IARS2: variants seen among roughly 807,000 people sequenced by gnomAD.
IARS2 encodes isoleucine--tRNA ligase, mitochondrial.
Under a neutral mutation model 126.3 loss-of-function variants are expected in IARS2, and 56 were observed. That is an observed-to-expected ratio of 0.44 (90% CI 0.36 to 0.55). The LOEUF is 0.55. Ranked by LOEUF, IARS2 falls within the 20% of genes least tolerant of loss-of-function variation. The pLI is 0.00. For synonymous variants in IARS2, 407 were observed against 441.1 expected (o/e 0.92, Z 0.97); for missense variants, 1,127 against 1,245.9 (o/e 0.90, Z 1.44).
chr1:220,114,411 G>C lies in IARS2; in HGVS notation c.1577G>C (p.Arg526Thr). ...CCATATTGGTGTATATCAAGGCAAA[G>C]AGTTTGGGGTGTTCCAATTCCTGTG... ...RRPYWCISRQ[R>T]VWGVPIPVFH... Residue 526 changes from arginine (R) to threonine (T), a missense_variant, in exon 12 of 23, where the codon AGA becomes ACA. Coordinates refer to ENST00000366922, the MANE Select transcript of IARS2 (RefSeq NM_018060.4). 6.2e-7 allele frequency: 1 copy of C among 1,613,940 alleles called. No individual in the cohort carries two copies. The highest frequency in any genetic ancestry group is 8.5e-7 in the Non-Finnish European group (1 of 1,179,850).
At position 220,094,537 on chromosome 1, in the gene IARS2, G is replaced by A. The variant is rs560049681; in HGVS notation, c.267+54G>A. The stretch of plus-strand genomic sequence containing the variant: ...CCAGAGAGGCCCGATCCGGCCGCGG[G>A]CACCGGGCGCTCGCAGGCGCCACAC... On this transcript the variant is annotated intron_variant, in intron 1 of 22. Transcript: ENST00000366922. 1.9e-5 allele frequency: 28 copies of A among 1,457,808 alleles called. No individual in the cohort carries two copies. The Admixed American group carries it at 5.6e-4, about 29-fold the overall frequency. 90.3% of individuals were successfully genotyped at this position (1,457,808 alleles called of 1,614,324 possible). A position where few individuals can be genotyped will look rare whatever the true frequency, so the allele number is the denominator to read the frequency against.
intron 12 of IARS2, chr1:220,117,965 C>T (rs1172100733): frequency 2.1e-6 from 1 of 486,396 alleles, no homozygotes; most frequent in Non-Finnish European, 4.3e-6. Flanking sequence ...TGAATGATGA[C>T]TTTAATCCTC....
At chr1:220,142,426 C>T (rs1180105906) in intron 20 of IARS2, among the ~76,000 whole-genome samples, 1 of 152,062 alleles carries the variant, frequency 6.6e-6, no homozygotes, top group Non-Finnish European at 1.5e-5. Flanking sequence ...TGCTTGAACT[C>T]GGGAGGTGGA....
rs1000423312 is a variant in IARS2 at position 220,114,407 on chromosome 1, C to G, written c.1573C>G (p.Gln525Glu). The change falls in exon 12 of 23, where the codon CAA becomes GAA. Residue 525 changes from glutamine to glutamate, a missense_variant. Physicochemically the swap from Gln to Glu is conservative, Grantham distance 29 (BLOSUM62 2). Coordinates refer to ENST00000366922, the MANE Select transcript of IARS2 (RefSeq NM_018060.4). ...GCGGCCATATTGGTGTATATCAAGG[C>G]AAAGAGTTTGGGGTGTTCCAATTCC... is the stretch of plus-strand genomic sequence containing the variant. Reference protein sequence around the residue: ...DRRPYWCISRQRVWGVPIPVF... With the variant: ...DRRPYWCISRERVWGVPIPVF... The G allele has an allele frequency of 6.2e-7, 1 of 1,613,706 alleles. No individual in the cohort carries two copies. The highest frequency in any genetic ancestry group is 8.5e-7 in the Non-Finnish European group (1 of 1,179,714).
intron 11 of IARS2, among the ~76,000 whole-genome samples, chr1:220,112,221 G>A (rs865909168): frequency 1.6e-5 from 1 of 62,218 alleles, no homozygotes; most frequent in Non-Finnish European, 3.2e-5. Context: ...TGCAAGCTCC[G>A]CTTCCCGGGT....
At chr1:220,106,460 CTG>C (rs1656682716) in intron 9 of IARS2, among the ~76,000 whole-genome samples, 1 of 152,038 alleles carries the variant, frequency 6.6e-6, no homozygotes, top group Admixed American at 6.6e-5. Context: ...AAGGGAACAA[CTG>C]TGTATATAGG....
chr1:220,114,667 A>G (rs1479522020), intron 12 of IARS2, among the ~76,000 whole-genome samples, 193 bp downstream of exon 12: 1 of 152,226 alleles, frequency 6.6e-6, no homozygotes, highest in Non-Finnish European at 1.5e-5. Flanking sequence ...AGATTTTCTT[A>G]AATATTGATA....
intron 18 of IARS2, among the ~76,000 whole-genome samples, chr1:220,139,965 C>G (rs1244596305): frequency 6.6e-6 from 1 of 152,118 alleles, no homozygotes; most frequent in South Asian, 2.1e-4. Flanking sequence ...AATTAATGTC[C>G]TTTCGTAGTT....
chr1:220,144,277 A>C, intron 21 of IARS2: 1 of 762,976 alleles, frequency 1.3e-6, no homozygotes, highest in Non-Finnish European at 2.4e-6. Flanking sequence ...CCTAATAAGC[A>C]CCTGGCTTTT....
chr1:220,105,482 T>C (rs1656659884), intron 8 of IARS2, among the ~76,000 whole-genome samples: 1 of 152,188 alleles, frequency 6.6e-6, no homozygotes, highest in African/African-American at 2.4e-5. Context: ...GTCACGTAGC[T>C]ACTACTTATT....
chr1:220,111,715 A>G lies in IARS2; in HGVS notation c.1479+778A>G, dbSNP rs193002370. ...TGAATATATAGATATTTTGCTTTAC[A>G]GTTTGAAAGATACTACTGTATTTAG... On this transcript the variant is annotated intron_variant, in intron 11 of 22. Coordinates refer to ENST00000366922, the MANE Select transcript of IARS2 (RefSeq NM_018060.4). Among the ~76,000 whole-genome samples the G allele has an allele frequency of 1.1e-4, 17 of 151,988 alleles. No individual in the cohort carries two copies. In the East Asian group the frequency reaches 3.3e-3, roughly 29 times the overall value.
In IARS2 at chr1:220,126,828, T is replaced by C; in HGVS notation, c.1822T>C (p.Ser608Pro). ...CTGGTTTGATAGCGGAACTTCATGGTCTTATGTTCTTCCAGGTAATTCTTA... is the reference window on the plus strand; with the variant it reads ...CTGGTTTGATAGCGGAACTTCATGGCCTTATGTTCTTCCAGGTAATTCTTA... ...DIWFDSGTSW[S>P]YVLPGPDQRA... Residue 608 changes from serine to proline, a missense_variant, in exon 14 of 23, where the codon TCT becomes CCT. By Grantham distance (74) the Ser-to-Pro change is moderately conservative. Coordinates refer to ENST00000366922, the MANE Select transcript of IARS2 (RefSeq NM_018060.4). 9 of 1,608,202 alleles carry C rather than the reference T, an allele frequency of 5.6e-6. No individual in the cohort carries two copies. The highest frequency in any genetic ancestry group is 6.8e-6 in the Non-Finnish European group (8 of 1,177,930).
At chr1:220,100,469 A>G in intron 2 of IARS2, 21 bp from the exon 3 acceptor site, 1 of 1,565,616 alleles carries the variant, frequency 6.4e-7, no homozygotes, top group Non-Finnish European at 8.7e-7. Flanking sequence ...ATGAATGATA[A>G]TTATCATTTT....
At chr1:220,120,366 A>T (rs1336372520) in intron 12 of IARS2, among the ~76,000 whole-genome samples, 1 of 145,912 alleles carries the variant, frequency 6.9e-6, no homozygotes, top group Non-Finnish European at 1.5e-5. Flanking sequence ...ATAGGCGTGA[A>T]CCACCGCGCC....
intron 12 of IARS2, among the ~76,000 whole-genome samples, chr1:220,119,667 T>C (rs1057263995): frequency 1.3e-5 from 2 of 152,138 alleles, no homozygotes; most frequent in African/African-American, 2.4e-5. Context: ...ATAGGACTAA[T>C]ACCTCTTGTG....
rs1436204844 is a variant in IARS2, at chr1:220,142,666, T to C, written c.2561-278T>C. Among the ~76,000 whole-genome samples the C allele has an allele frequency of 2.0e-5, 3 of 152,312 alleles. No individual in the cohort carries two copies. The East Asian group carries it at 5.8e-4, about 29-fold the overall frequency. ...CACTTATAATGTTACTCCTGATAGC[T>C]GTTAATATTGGGATATTTCTATTTA... On this transcript the variant is annotated intron_variant, in intron 20 of 22. Transcript: ENST00000366922.
chr1:220,122,695 T>C lies in IARS2; in HGVS notation c.1641-2542T>C, dbSNP rs534822317. 6.6e-5 allele frequency among the ~76,000 whole-genome samples: 10 copies of C among 152,334 alleles called. No individual in the cohort carries two copies. The South Asian group carries it at 1.4e-3, about 22-fold the overall frequency. The stretch of plus-strand genomic sequence containing the variant: ...CTTGTAAAGTGCTTCGAAAAAGATA[T>C]GTGGTGTACGTATATACATAGTTTT... On this transcript the variant is annotated intron_variant, in intron 12 of 22. Transcript: ENST00000366922.
intron 12 of IARS2, among the ~76,000 whole-genome samples, chr1:220,116,068 G>T (rs1656907795): frequency 6.6e-6 from 1 of 152,100 alleles, no homozygotes; most frequent in South Asian, 2.1e-4. Flanking sequence ...AAATTAGCTG[G>T]TGTGGTAGTG....
At chr1:220,096,558 C>G (rs141544154) in intron 2 of IARS2, among the ~76,000 whole-genome samples, 1 of 152,098 alleles carries the variant, frequency 6.6e-6, no homozygotes, top group Non-Finnish European at 1.5e-5. Context: ...GTGCTTGGCC[C>G]ACAGATATCA....
Sources: allele counts gnomAD v4.1 joint callset (sites outside exome capture counted in the v4.1 genomes callset), GRCh38; gene constraint gnomAD v4.1.1; transcripts MANE v1.5; gene names NCBI Gene and HGNC (gene_info 2026-07-23, HGNC 2026-07-21).